The following KCNMB2 variants were observed in gnomAD, a reference collection of about 807,000 sequenced individuals.
The protein encoded by KCNMB2 is calcium-activated potassium channel subunit beta-2.
In KCNMB2, 9 loss-of-function variants were observed where a neutral mutation model predicts 24.5. The observed-to-expected ratio is 0.37, with a 90% CI of 0.22 to 0.64. The LOEUF is 0.64. KCNMB2 is among the 30% of genes least tolerant of loss of function. The pLI, the probability that KCNMB2 is intolerant of heterozygous loss-of-function variation, is 0.63. For synonymous variants in KCNMB2, 109 were observed against 104.4 expected, an observed-to-expected ratio of 1.04 and a Z score of -0.27; for missense variants, 226 against 284.3, an observed-to-expected ratio of 0.79 and a Z score of 1.47.
intron 1 of KCNMB2, among the ~76,000 whole-genome samples, chr3:178,591,203 A>C (rs1263310471): frequency 6.6e-6 from 1 of 152,182 alleles, no homozygotes; most frequent in Non-Finnish European, 1.5e-5. Context: ...AAAAAACCTC[A>C]AACATCCCTG....
intron 1 of KCNMB2, among the ~76,000 whole-genome samples, chr3:178,686,710 G>C (rs1014216400): frequency 1.3e-5 from 2 of 152,018 alleles, no homozygotes; most frequent in Non-Finnish European, 2.9e-5. Context: ...TCTGTATATG[G>C]TGTACAACTT....
intron 1 of KCNMB2, among the ~76,000 whole-genome samples, chr3:178,789,305 A>T (rs1188660568): frequency 6.6e-6 from 1 of 152,206 alleles, no homozygotes; most frequent in Non-Finnish European, 1.5e-5. Context: ...AGAGGAGTCC[A>T]TACATGGTTG....
At chr3:178,766,322 T>G (rs1021649556) in intron 1 of KCNMB2, among the ~76,000 whole-genome samples, 4 of 152,084 alleles carry the variant, frequency 2.6e-5, no homozygotes, top group Non-Finnish European at 4.4e-5. Context: ...GCCTCCCAAG[T>G]AGCTAAAACT....
chr3:178,623,103 C>G (rs1024130085), intron 1 of KCNMB2, among the ~76,000 whole-genome samples: 12 of 152,016 alleles, frequency 7.9e-5, no homozygotes, highest in African/African-American at 2.9e-4. Flanking sequence ...CACCTACACA[C>G]AAAAAAATGA....
chr3:178,707,184 G>C (rs145924701), intron 1 of KCNMB2, among the ~76,000 whole-genome samples: 282 of 152,226 alleles, frequency 1.9e-3, no homozygotes, highest in African/African-American at 6.5e-3. Context: ...GAGGTGAGTT[G>C]AGTGGAACAG....
At chr3:178,787,350 T>C (rs1411220077) in intron 1 of KCNMB2, among the ~76,000 whole-genome samples, 1 of 152,206 alleles carries the variant, frequency 6.6e-6, no homozygotes, top group Non-Finnish European at 1.5e-5. Flanking sequence ...AACTCACATA[T>C]ATTCACGTTA....
chr3:178,797,836 G>A (rs1044033389), intron 1 of KCNMB2, among the ~76,000 whole-genome samples: 3 of 152,106 alleles, frequency 2.0e-5, no homozygotes, highest in African/African-American at 2.4e-5. Flanking sequence ...AGTTCTCCTC[G>A]AAGAGGTCCT....
intron 1 of KCNMB2, chr3:178,558,830 G>A (rs957908520): frequency 6.6e-6 from 1 of 152,174 alleles, no homozygotes; most frequent in Non-Finnish European, 1.5e-5. Flanking sequence ...TATAAATGCT[G>A]CTGGGCACCG....
intron 1 of KCNMB2, among the ~76,000 whole-genome samples, chr3:178,596,302 T>G (rs959484095): frequency 2.0e-5 from 3 of 152,146 alleles, no homozygotes; most frequent in African/African-American, 7.2e-5. Flanking sequence ...TCATTGATTT[T>G]ATACTTTTAT....
chr3:178,764,622 G>C (rs1466832871), intron 1 of KCNMB2, among the ~76,000 whole-genome samples: 1 of 152,182 alleles, frequency 6.6e-6, no homozygotes, highest in Non-Finnish European at 1.5e-5. Flanking sequence ...TCATTAAGCA[G>C]TGCATGTGTG....
intron 1 of KCNMB2, among the ~76,000 whole-genome samples, chr3:178,649,732 T>C (rs1720042766): frequency 6.6e-6 from 1 of 152,152 alleles, no homozygotes; most frequent in African/African-American, 2.4e-5. Flanking sequence ...TTATCATTTT[T>C]TATTTGTATC....
At chr3:178,785,997 T>C (rs757712926) in intron 1 of KCNMB2, among the ~76,000 whole-genome samples, 1 of 152,110 alleles carries the variant, frequency 6.6e-6, no homozygotes, top group African/African-American at 2.4e-5. Flanking sequence ...GTAATACTGA[T>C]AGCAAAAGAA....
At chr3:178,640,671 A>G (rs1237989697) in intron 1 of KCNMB2, among the ~76,000 whole-genome samples, 1 of 152,114 alleles carries the variant, frequency 6.6e-6, no homozygotes, top group East Asian at 1.9e-4. Flanking sequence ...TTAATTCCCA[A>G]CTCATGAAGC....
At chr3:178,643,647 A>T (rs1380951273) in intron 1 of KCNMB2, among the ~76,000 whole-genome samples, 2 of 152,220 alleles carry the variant, frequency 1.3e-5, no homozygotes, top group African/African-American at 4.8e-5. Flanking sequence ...GCTAAAAGTC[A>T]GGCATCCCTG....
chr3:178,759,787 T>C lies in KCNMB2; in HGVS notation c.-67-47556T>C, dbSNP rs1487961629. On this transcript the variant is annotated intron_variant, in intron 1 of 4. Transcript: ENST00000452583. Reference sequence around the variant, plus strand: ...ATATATCCAAGAGGATATATCTATATATATATATATCCAAGAGGATATATC... The same window carrying C: ...ATATATCCAAGAGGATATATCTATACATATATATATCCAAGAGGATATATC... 7.0e-4 allele frequency among the ~76,000 whole-genome samples: 26 copies of C among 37,200 alleles called. 9 individuals carry two copies. The highest frequency in any genetic ancestry group is 3.3e-3 in the African/African-American group (22 of 6,606). 24.4% of individuals were successfully genotyped at this position (37,200 alleles called of 152,430 possible). A position where few individuals can be genotyped will look rare whatever the true frequency, so the allele number is the denominator to read the frequency against.
chr3:178,606,509 G>A (rs1037403659), intron 1 of KCNMB2, among the ~76,000 whole-genome samples: 1 of 114,276 alleles, frequency 8.8e-6, no homozygotes, highest in Non-Finnish European at 1.9e-5. Context: ...TCTTTCCTTT[G>A]TCTGAGCCAT....
intron 1 of KCNMB2, among the ~76,000 whole-genome samples, chr3:178,801,311 T>A (rs1372284415): frequency 6.6e-6 from 1 of 152,120 alleles, no homozygotes; most frequent in Non-Finnish European, 1.5e-5. Context: ...CTATATGCTA[T>A]ACTATGCACC....
intron 1 of KCNMB2, among the ~76,000 whole-genome samples, chr3:178,757,937 A>ATATC (rs1279418632): frequency 2.8e-5 from 3 of 106,732 alleles, no homozygotes; most frequent in Admixed American, 9.8e-5. Flanking sequence ...ATATATATAC[A>ATATC]CAAGGGGATA....
intron 1 of KCNMB2, among the ~76,000 whole-genome samples, chr3:178,567,583 G>A (rs1270842816): frequency 1.3e-5 from 2 of 151,894 alleles, no homozygotes; most frequent in African/African-American, 4.8e-5. Flanking sequence ...GCTTACAATA[G>A]CAAAGAGTTA....
Sources: gnomAD v4.1 joint callset for allele counts (sites outside exome capture counted in the v4.1 genomes callset) on GRCh38, gnomAD v4.1.1 for gene constraint, MANE v1.5 for transcripts, NCBI Gene and HGNC (gene_info 2026-07-23, HGNC 2026-07-21) for gene names.